The following TTC6 variants were observed in gnomAD, a reference collection of about 807,000 sequenced individuals.
TTC6 encodes tetratricopeptide repeat domain 6, also known as tetratricopeptide repeat protein 6.
In TTC6, 172 loss-of-function variants were observed where a neutral mutation model predicts 210.4. The observed-to-expected ratio is 0.82, with a 90% CI of 0.72 to 0.93. The LOEUF is 0.93. Among genes scored for constraint, TTC6 ranks in the 40% least tolerant of loss-of-function variants. The pLI is 0.00. For missense variants in TTC6, 2,414 were observed against 2,318.1 expected (o/e 1.04, Z -0.85); for synonymous variants, 804 against 819.6 (o/e 0.98, Z 0.32).
chr14:37,673,442 G>A (rs1365662023), intron 1 of TTC6, among the ~76,000 whole-genome samples: 4 of 152,138 alleles, frequency 2.6e-5, no homozygotes, highest in Non-Finnish European at 5.9e-5. Flanking sequence ...AAGTGCTGAT[G>A]AAATCATAAA....
chr14:37,828,090 A>C (rs1311983933), intron 29 of TTC6, among the ~76,000 whole-genome samples: 2 of 152,182 alleles, frequency 1.3e-5, no homozygotes, highest in South Asian at 2.1e-4. Context: ...GGACCACTGG[A>C]CTGGGAATAA....
In TTC6 at chr14:37,763,983, T is replaced by C. The variant is rs371266834; in HGVS notation, c.3266+10748T>C. Among the ~76,000 whole-genome samples, 42 of 152,214 alleles carry C rather than the reference T, an allele frequency of 2.8e-4. No individual in the cohort carries two copies. In the East Asian group the frequency reaches 7.0e-3, roughly 25 times the overall value. On this transcript the variant is annotated intron_variant, in intron 14 of 30. Transcript: ENST00000553443. The stretch of plus-strand genomic sequence containing the variant: ...CTTTGCTGCATCTCCTAAGTTTTGG[T>C]ATGTTGTATTACCTTTCATTTGTCT...
At chr14:37,838,580 G>T (rs574037807) in intron 29 of TTC6, among the ~76,000 whole-genome samples, 38 of 152,060 alleles carry the variant, frequency 2.5e-4, no homozygotes, top group Non-Finnish European at 5.0e-4. Flanking sequence ...ATCTCTCTTT[G>T]TATGTCTTAG....
At chr14:37,612,210 C>T (rs141810541) in intron 2 of TTC6, among the ~76,000 whole-genome samples, 48 of 152,300 alleles carry the variant, frequency 3.2e-4, no homozygotes, top group African/African-American at 1.1e-3. Context: ...CTTCTGCCCT[C>T]TTTGCTCTTC....
intron 8 of TTC6, among the ~76,000 whole-genome samples, chr14:37,737,000 C>A (rs1213513105): frequency 6.6e-6 from 1 of 152,106 alleles, no homozygotes; most frequent in Non-Finnish European, 1.5e-5. Context: ...TTAAGTGATC[C>A]TCCTGCCTCA....
At chr14:37,597,528 C>T (rs2095606869) in intron 1 of TTC6, among the ~76,000 whole-genome samples, 2 of 142,362 alleles carry the variant, frequency 1.4e-5, no homozygotes, top group Admixed American at 7.2e-5. Flanking sequence ...CCCAAACCTA[C>T]TAAGTCTCAT....
At position 37,716,100 on chromosome 14, in the gene TTC6, G is replaced by GT. The variant is rs139633184; in HGVS notation, c.1713+1305dup. On this transcript the variant is annotated intron_variant, in intron 6 of 30. Transcript: ENST00000553443. ...ACATAAAGGGAGGTGAGATTTCTAC[G>GT]TATCACTTGAACTAGTAAAATAATA... is the stretch of plus-strand genomic sequence containing the variant. Among the ~76,000 whole-genome samples the GT allele has an allele frequency of 3.0e-3, 463 of 152,160 alleles. 6 individuals carry two copies. The highest frequency in any genetic ancestry group is 0.011 in the African/African-American group (450 of 41,536).
chr14:37,676,576 A>G (rs2095770108), intron 1 of TTC6, among the ~76,000 whole-genome samples: 5 of 152,002 alleles, frequency 3.3e-5, no homozygotes. Context: ...GTAAAATCCA[A>G]TTTGTCTATT....
chr14:37,752,472 A>C (rs71407734), intron 13 of TTC6, among the ~76,000 whole-genome samples: 6,069 of 151,972 alleles, frequency 0.04, 190 homozygotes, highest in Non-Finnish European at 0.065. Flanking sequence ...TAGTTTAGAA[A>C]TAGAGTAATG....
At chr14:37,791,340 T>C in intron 16 of TTC6, among the ~76,000 whole-genome samples, 1 of 152,088 alleles carries the variant, frequency 6.6e-6, no homozygotes, top group East Asian at 1.9e-4. Context: ...CAGGGAGAAA[T>C]ATAGACTGAA....
intron 2 of TTC6, among the ~76,000 whole-genome samples, chr14:37,610,948 C>G (rs1360983653): frequency 6.6e-6 from 1 of 152,188 alleles, no homozygotes; most frequent in African/African-American, 2.4e-5. Flanking sequence ...TTCTTTTAAA[C>G]GCAGAAAGAG....
At chr14:37,738,476 G>A (rs2095908125) in intron 9 of TTC6, among the ~76,000 whole-genome samples, 1 of 151,770 alleles carries the variant, frequency 6.6e-6, no homozygotes, top group Non-Finnish European at 1.5e-5. Flanking sequence ...TGGATATATA[G>A]AGAGCATTCT....
At chr14:37,779,319 C>G (rs1448863508) in intron 14 of TTC6, among the ~76,000 whole-genome samples, 1 of 152,150 alleles carries the variant, frequency 6.6e-6, no homozygotes, top group Non-Finnish European at 1.5e-5. Context: ...GTCCGTGTCC[C>G]TCAGTGGCAG....
At chr14:37,668,128 T>A (rs1013584642) in intron 1 of TTC6, among the ~76,000 whole-genome samples, 1 of 149,686 alleles carries the variant, frequency 6.7e-6, no homozygotes, top group Non-Finnish European at 1.5e-5. Flanking sequence ...GTGTGAGACT[T>A]CATCTAAAAA....
At chr14:37,644,202 A>T (rs1192875369) in intron 1 of TTC6, among the ~76,000 whole-genome samples, 4 of 152,160 alleles carry the variant, frequency 2.6e-5, no homozygotes, top group Non-Finnish European at 5.9e-5. Context: ...AGAAAACCCA[A>T]AGTAATATTA....
intron 1 of TTC6, among the ~76,000 whole-genome samples, chr14:37,605,380 G>T (rs2095623256): frequency 6.6e-6 from 1 of 152,098 alleles, no homozygotes; most frequent in South Asian, 2.1e-4. Flanking sequence ...TCAGGATCCG[G>T]GTGGATAAAA....
chr14:37,682,390 C>A (rs2095785811), intron 2 of TTC6, among the ~76,000 whole-genome samples: 2 of 151,692 alleles, frequency 1.3e-5, no homozygotes, highest in Admixed American at 6.6e-5. Flanking sequence ...AAAAAAAGAA[C>A]CAACATGAGT....
chr14:37,694,450 A>G (rs1294715889), intron 3 of TTC6, among the ~76,000 whole-genome samples: 2 of 152,188 alleles, frequency 1.3e-5, no homozygotes, highest in Admixed American at 6.5e-5. Flanking sequence ...ATGTGGAGAA[A>G]AGGGAAGCCT....
intron 7 of TTC6, among the ~76,000 whole-genome samples, chr14:37,735,560 A>C (rs1301264135): frequency 6.6e-6 from 1 of 152,222 alleles, no homozygotes; most frequent in Admixed American, 6.5e-5. Context: ...ATGTGTTGAC[A>C]AGAAAACTAG....
Sources: allele counts gnomAD v4.1 joint callset (sites outside exome capture counted in the v4.1 genomes callset), GRCh38; gene constraint gnomAD v4.1.1; transcripts MANE v1.5; gene names NCBI Gene and HGNC (gene_info 2026-07-23, HGNC 2026-07-21).